Variants in LRPPRC observed in about 807,000 individuals in gnomAD.
The protein encoded by LRPPRC is leucine-rich PPR motif-containing protein, mitochondrial.
Under a neutral mutation model 180.3 loss-of-function variants are expected in LRPPRC, and 120 were observed. The observed-to-expected ratio is 0.67, with a 90% confidence interval of 0.57 to 0.77. The LOEUF (loss-of-function observed/expected upper bound fraction) is 0.77, where lower values mean the gene tolerates loss of function less well. Ranked by LOEUF, LRPPRC falls within the 30% of genes least tolerant of loss-of-function variation. The pLI, the probability that LRPPRC is intolerant of heterozygous loss-of-function variation, is 0.00. For synonymous variants in LRPPRC, 723 were observed against 600.0 expected (o/e 1.21, Z -3.00); for missense variants, 2,012 against 1,657.2 (o/e 1.21, Z -3.72).
chr2:43,918,704 C>T (rs1364020492), intron 27 of LRPPRC, among the ~76,000 whole-genome samples: 1 of 150,774 alleles, frequency 6.6e-6, no homozygotes, highest in South Asian at 2.1e-4. Context: ...TGAGAAAGTG[C>T]CTACTGCCGA....
intron 27 of LRPPRC, among the ~76,000 whole-genome samples, chr2:43,920,684 TA>T (rs71393214): frequency 0.35 from 51,027 of 146,778 alleles, 9,486 homozygotes; most frequent in East Asian, 0.54. Flanking sequence ...TTATTTGATT[TA>T]AAAAAAAAAA....
At chr2:43,894,972 T>C (rs548871418) in intron 35 of LRPPRC, among the ~76,000 whole-genome samples, 7 of 152,314 alleles carry the variant, frequency 4.6e-5, no homozygotes, top group South Asian at 4.1e-4. Flanking sequence ...TATCTTTAGG[T>C]GCCACAACTG....
chr2:43,919,455 G>A (rs1418122833), intron 27 of LRPPRC, among the ~76,000 whole-genome samples: 2 of 152,184 alleles, frequency 1.3e-5, no homozygotes, highest in Non-Finnish European at 1.5e-5. Context: ...TTGACATGAA[G>A]AGTTTCTATG....
chr2:43,956,217 A>G (rs1184302037), intron 14 of LRPPRC, among the ~76,000 whole-genome samples: 1 of 152,220 alleles, frequency 6.6e-6, no homozygotes, highest in Non-Finnish European at 1.5e-5. Context: ...TAATAAAGAG[A>G]TGTAGCAATC....
chr2:43,978,087 T>C (rs745520973), intron 3 of LRPPRC, among the ~76,000 whole-genome samples: 12 of 152,166 alleles, frequency 7.9e-5, no homozygotes, highest in African/African-American at 1.9e-4. Context: ...TCAGGCACTA[T>C]GCTAAGTGTT....
chr2:43,984,342 A>T (rs1440019687), intron 1 of LRPPRC, among the ~76,000 whole-genome samples: 1 of 152,234 alleles, frequency 6.6e-6, no homozygotes, highest in Admixed American at 6.5e-5. Context: ...AAGAGCAAAA[A>T]TAAAACTTCC....
At chr2:43,941,837 T>TAAAAAAAAAAAAAAAAAAAAAAAGAAAAA (rs35278650) in intron 23 of LRPPRC, among the ~76,000 whole-genome samples, 1 of 92,860 alleles carries the variant, frequency 1.1e-5, no homozygotes, top group African/African-American at 4.0e-5. Context: ...CAAAGTAGTC[T>TAAAAAAAAAAAAAAAAAAAAAAAGAAAAA]AAAAAAAAAA....
Position 43,888,227 on chromosome 2 carries a change from C to G in LRPPRC, c.*373G>C, listed in dbSNP as rs1320834523. Reference sequence around the variant, plus strand: ...GTTAGAAAGTTCACGGTCACTATACCTAGCTCTAAAATTTTTCAGAGAAAC... The same window carrying G: ...GTTAGAAAGTTCACGGTCACTATACGTAGCTCTAAAATTTTTCAGAGAAAC... On this transcript the variant is annotated 3_prime_UTR_variant, in exon 38 of 38. Coordinates refer to ENST00000260665, the MANE Select transcript of LRPPRC (RefSeq NM_133259.4). 2 of 265,998 alleles carry G rather than the reference C, an allele frequency of 7.5e-6. No individual in the cohort carries two copies. The highest frequency in any genetic ancestry group is 1.5e-5 in the Non-Finnish European group (2 of 137,338). 16.5% of individuals were successfully genotyped at this position (265,998 alleles called of 1,614,324 possible).
At chr2:43,991,036 T>TA (rs1674755253) in intron 1 of LRPPRC, among the ~76,000 whole-genome samples, 4 of 149,224 alleles carry the variant, frequency 2.7e-5, no homozygotes, top group African/African-American at 1.0e-4. Context: ...ACTTTTATTT[T>TA]TTTTTTTTTT....
Position 43,918,014 on chromosome 2 carries a change from T to C in LRPPRC, c.3148+11A>G, listed in dbSNP as rs368406768. On this transcript the variant is annotated intron_variant, in intron 29 of 37. Coordinates refer to ENST00000260665, the MANE Select transcript of LRPPRC (RefSeq NM_133259.4). ...CCCCCCACACACACCCCCATCCCCG[T>C]ATGTGCTTGCCTTTTTTTTGGTTCA... 138 of 934,744 alleles carry C rather than the reference T, an allele frequency of 1.5e-4. No homozygotes were observed. Among genetic ancestry groups the C allele is most frequent in the Non-Finnish European group, 2.1e-4 (129 of 611,288 alleles). 57.9% of individuals were successfully genotyped at this position (934,744 alleles called of 1,614,324 possible). A position where few individuals can be genotyped will look rare whatever the true frequency, so the allele number is the denominator to read the frequency against.
intron 16 of LRPPRC, among the ~76,000 whole-genome samples, chr2:43,948,931 T>C (rs1000064397): frequency 2.0e-5 from 3 of 152,076 alleles, no homozygotes; most frequent in Non-Finnish European, 2.9e-5. Flanking sequence ...TTAGAAAGGA[T>C]TGTTAAATGT....
chr2:43,953,701 C>T (rs538745665), intron 14 of LRPPRC, among the ~76,000 whole-genome samples: 4 of 152,198 alleles, frequency 2.6e-5, no homozygotes, highest in South Asian at 4.1e-4. Flanking sequence ...AATCCATTTT[C>T]GAATATTTTC....
chr2:43,987,412 G>A (rs1449596117), intron 1 of LRPPRC, among the ~76,000 whole-genome samples: 1 of 139,512 alleles, frequency 7.2e-6, no homozygotes, highest in African/African-American at 2.7e-5. Flanking sequence ...GGAGAATGGC[G>A]TTAACCCAGG....
At position 43,887,855 on chromosome 2, in the gene LRPPRC, G is replaced by C. The variant is rs1670322575; in HGVS notation, c.*745C>G. ...TATGAGTATAAAGTAACAAGCCTAG[G>C]GCAGAGCTTGTACTGACAAAGTCCT... is the stretch of plus-strand genomic sequence containing the variant. On this transcript the variant is annotated 3_prime_UTR_variant, in exon 38 of 38. Coordinates refer to ENST00000260665, the MANE Select transcript of LRPPRC (RefSeq NM_133259.4). The C allele has an allele frequency of 6.6e-6, 1 of 152,162 alleles. No homozygotes were observed. Among genetic ancestry groups the C allele is most frequent in the Non-Finnish European group, 1.5e-5 (1 of 68,068 alleles). 9.4% of individuals were successfully genotyped at this position (152,162 alleles called of 1,614,324 possible).
chr2:43,924,486 T>C (rs1450755065), intron 27 of LRPPRC, among the ~76,000 whole-genome samples: 2 of 152,232 alleles, frequency 1.3e-5, no homozygotes, highest in Admixed American at 1.3e-4. Context: ...GGAAATCTAT[T>C]CACAAACCCA....
At position 43,976,193 on chromosome 2, in the gene LRPPRC, T is replaced by C. The variant is rs754746465; in HGVS notation, c.687A>G (p.Pro229=). 3 of 1,612,158 alleles carry C rather than the reference T, an allele frequency of 1.9e-6. No homozygotes were observed. The South Asian group carries it at 3.3e-5, about 18-fold the overall frequency. The change falls in exon 6 of 38, where the codon CCA becomes CCG. Residue 229 remains proline (P), a synonymous_variant. Coordinates refer to ENST00000260665, the MANE Select transcript of LRPPRC (RefSeq NM_133259.4). ...ILGFMKTKDL[P]VTEAVFSALV... ...GGGCACTGAATACTGCCTCTGTAAC[T>C]GGGAGATCCTTAGTTTTCATAAATC...
chr2:43,986,321 A>C (rs758475541), intron 1 of LRPPRC, among the ~76,000 whole-genome samples: 1 of 151,982 alleles, frequency 6.6e-6, no homozygotes, highest in Non-Finnish European at 1.5e-5. Context: ...GTACAGACGG[A>C]GTTTTACCAT....
chr2:43,932,559 C>A (rs1373856126), intron 25 of LRPPRC, among the ~76,000 whole-genome samples: 1 of 152,150 alleles, frequency 6.6e-6, no homozygotes, highest in Non-Finnish European at 1.5e-5. Context: ...AATTAAGAGG[C>A]AGTCTTCTCT....
intron 23 of LRPPRC, among the ~76,000 whole-genome samples, chr2:43,943,082 C>T (rs1381042213): frequency 2.0e-5 from 3 of 152,008 alleles, no homozygotes. Flanking sequence ...ATAAATTACG[C>T]TTAGTCATCT....
Sources: gnomAD v4.1 joint callset for allele counts (sites outside exome capture counted in the v4.1 genomes callset) on GRCh38, gnomAD v4.1.1 for gene constraint, MANE v1.5 for transcripts, NCBI Gene and HGNC (gene_info 2026-07-23, HGNC 2026-07-21) for gene names.